MGAM: variants seen among roughly 807,000 people sequenced by gnomAD.
The protein encoded by MGAM is alpha-1,4-glucosidase.
MGAM carries 253 observed loss-of-function variants against 358.8 expected under a neutral mutation model. The observed-to-expected ratio is 0.71, with a 90% CI of 0.64 to 0.78. MGAM has a LOEUF of 0.78. Ranked by LOEUF, MGAM falls within the 30% of genes least tolerant of loss-of-function variation. The probability of loss-of-function intolerance (pLI) is 0.00; values close to 1 mark genes in which losing one functional copy is unlikely to be tolerated. For missense variants in MGAM, 3,080 were observed against 3,432.6 expected (o/e 0.90, Z 2.57); for synonymous variants, 1,105 against 1,227.1 (o/e 0.90, Z 2.08).
At position 142,027,689 on chromosome 7, in the gene MGAM, A is replaced by G. The variant is rs200834950; in HGVS notation, c.1175A>G (p.Asn392Ser). The G allele has an allele frequency of 1.1e-4, 171 of 1,613,512 alleles. No individual in the cohort carries two copies. In the African/African-American group the frequency reaches 2.1e-3, roughly 20 times the overall value. Reference sequence around the variant, plus strand: ...CGTTACGAATATGGAACCTTAGACAACATGAGGGAAGTCGTGGAGAGAAAT... The same window carrying G: ...CGTTACGAATATGGAACCTTAGACAGCATGAGGGAAGTCGTGGAGAGAAAT... ...LSRYEYGTLD[N>S]MREVVERNRA... The change falls in exon 10 of 71, where the codon AAC becomes AGC. Residue 392 changes from asparagine (N) to serine (S), a missense_variant. By Grantham distance (46) the Asn-to-Ser change is conservative. Transcript: ENST00000475668.
intron 21 of MGAM, among the ~76,000 whole-genome samples, chr7:142,045,117 A>G (rs1186786586): frequency 1.7e-5 from 1 of 58,826 alleles, no homozygotes; most frequent in Non-Finnish European, 3.4e-5. Context: ...TACGTGCAAT[A>G]TATGATATAT....
intron 70 of MGAM, among the ~76,000 whole-genome samples, chr7:142,105,352 A>G (rs959019161): frequency 6.6e-6 from 1 of 151,826 alleles, no homozygotes; most frequent in African/African-American, 2.4e-5. Flanking sequence ...CACTGGTGCA[A>G]TCTTAGCTCA....
Position 142,042,151 on chromosome 7 carries a change from T to C in MGAM, c.2498+1305T>C, listed in dbSNP as rs577511959. ...TATACATATAATATATAACATATAA[T>C]ATATATACATATAATATATAATATA... On this transcript the variant is annotated intron_variant, in intron 21 of 70. Coordinates refer to ENST00000475668, the MANE Select transcript of MGAM (RefSeq NM_001365693.1). Among the ~76,000 whole-genome samples, 28 of 53,124 alleles carry C rather than the reference T, an allele frequency of 5.3e-4. 1 individual carries two copies. The highest frequency in any genetic ancestry group is 1.9e-3 in the African/African-American group (20 of 10,650). The allele number at this position is 53,124 out of a possible 152,430, so 34.9% of individuals were successfully genotyped here.
At position 142,094,363 on chromosome 7, in the gene MGAM, G is replaced by A. The variant is rs1370453005; in HGVS notation, c.7173-1G>A. 7 of 1,519,726 alleles carry A rather than the reference G, an allele frequency of 4.6e-6. No homozygotes were observed. The highest frequency in any genetic ancestry group is 6.3e-6 in the Non-Finnish European group (7 of 1,114,732). The allele number at this position is 1,519,726 out of a possible 1,614,324, so 94.1% of individuals were successfully genotyped here. The stretch of plus-strand genomic sequence containing the variant: ...TTCACCTCCTTTTCCCCTCCAACCA[G>A]AGCCGTGCAGGAGGTGACAGGACAG... On this transcript the variant is annotated splice_acceptor_variant, in intron 60 of 70. Coordinates refer to ENST00000475668, the MANE Select transcript of MGAM (RefSeq NM_001365693.1). LOFTEE classifies it high-confidence loss of function.
chr7:142,004,695 G>A (rs761596257), intron 1 of MGAM, among the ~76,000 whole-genome samples: 3 of 151,790 alleles, frequency 2.0e-5, no homozygotes, highest in Non-Finnish European at 4.4e-5. Flanking sequence ...ATTAAAATCA[G>A]TACAAAATAT....
chr7:142,000,541 G>A (rs1438456382), intron 1 of MGAM, among the ~76,000 whole-genome samples: 1 of 152,184 alleles, frequency 6.6e-6, no homozygotes, highest in East Asian at 1.9e-4. Context: ...GTGGGGACTC[G>A]CCCTACCTCT....
chr7:142,102,342 G>A (rs1482073218), intron 68 of MGAM, among the ~76,000 whole-genome samples: 1 of 152,192 alleles, frequency 6.6e-6, no homozygotes, highest in East Asian at 1.9e-4. Flanking sequence ...CTTAAAAATG[G>A]TGTCAGGAAA....
At chr7:142,074,203 TC>T in intron 45 of MGAM, 30 bp downstream of exon 45, 1 of 1,400,994 alleles carries the variant, frequency 7.1e-7, no homozygotes. Flanking sequence ...TGTTGCTGTT[TC>T]CCAACCTGCG....
Position 142,076,762 on chromosome 7 carries a change from C to A in MGAM, c.5429C>A (p.Thr1810Lys), listed in dbSNP as rs190426806. 3.7e-4 allele frequency: 577 copies of A among 1,554,946 alleles called. 28 individuals are homozygous for A. In the African/African-American group the frequency reaches 6.8e-3, roughly 18 times the overall value. ...GGGATGGAGGAACCTAGCAATGTTA[C>A]GGTGAAACACAATGGTGTCCCAAGT... ...ILGMEEPSNV[T>K]VKHNGVPSQT... The change falls in exon 47 of 71, where the codon ACG (threonine) becomes AAG (lysine). Residue 1810 changes from threonine to lysine, a missense_variant. Thr to Lys is a moderately conservative substitution (Grantham distance 78). Around this residue, in one of 5 missense-constraint regions of MGAM, gnomAD observed 932 missense variants for 1,198.2 expected, o/e 0.78. Coordinates refer to ENST00000475668, the MANE Select transcript of MGAM (RefSeq NM_001365693.1).
chr7:142,005,054 A>G (rs1246261120), intron 1 of MGAM, among the ~76,000 whole-genome samples: 2 of 152,084 alleles, frequency 1.3e-5, no homozygotes, highest in Non-Finnish European at 2.9e-5. Flanking sequence ...AAATCTACAG[A>G]ACAAATTCTG....
intron 10 of MGAM, among the ~76,000 whole-genome samples, chr7:142,028,142 C>T (rs1379426856): frequency 6.6e-6 from 1 of 152,082 alleles, no homozygotes; most frequent in Non-Finnish European, 1.5e-5. Context: ...ATTTTCTTGC[C>T]TTACACATGT....
At chr7:141,999,229 G>C (rs1478029361) in intron 1 of MGAM, among the ~76,000 whole-genome samples, 1 of 152,178 alleles carries the variant, frequency 6.6e-6, no homozygotes, top group African/African-American at 2.4e-5. Flanking sequence ...ATGTAGTTTA[G>C]ATAATGATGA....
chr7:142,054,101 C>T (rs781499392), intron 26 of MGAM, among the ~76,000 whole-genome samples: 9 of 152,198 alleles, frequency 5.9e-5, no homozygotes, highest in African/African-American at 7.2e-5. Flanking sequence ...GTATTTCTCC[C>T]GTGAGACCGT....
intron 35 of MGAM, among the ~76,000 whole-genome samples, chr7:142,063,024 C>T (rs936077219): frequency 6.6e-6 from 1 of 152,150 alleles, no homozygotes; most frequent in African/African-American, 2.4e-5. Flanking sequence ...CATGGAGAAA[C>T]TCCGTCTCTA....
intron 22 of MGAM, among the ~76,000 whole-genome samples, chr7:142,048,564 T>C (rs932455601): frequency 6.7e-6 from 1 of 149,092 alleles, no homozygotes; most frequent in African/African-American, 2.4e-5. Context: ...GTTGATGATA[T>C]AGAAATCATG....
intron 21 of MGAM, among the ~76,000 whole-genome samples, chr7:142,045,311 CCTATAATAT>C (rs1810048539): frequency 2.5e-5 from 1 of 39,912 alleles, no homozygotes; most frequent in Non-Finnish European, 5.9e-5. Context: ...ATTATATGTA[CCTATAATAT>C]ATGATATATA....
intron 21 of MGAM, among the ~76,000 whole-genome samples, chr7:142,044,417 T>C (rs1349899030): frequency 7.2e-6 from 1 of 139,448 alleles, no homozygotes; most frequent in African/African-American, 2.6e-5. Context: ...ATAATGAATA[T>C]TATATACACA....
At chr7:142,013,448 G>A (rs782616587) in intron 3 of MGAM, among the ~76,000 whole-genome samples, 2 of 152,106 alleles carry the variant, frequency 1.3e-5, no homozygotes, top group Non-Finnish European at 2.9e-5. Flanking sequence ...AGTTGCTGAA[G>A]TTTTGATTTT....
In MGAM at chr7:142,078,468, G is replaced by A. The variant is rs371249116; in HGVS notation, c.5644G>A (p.Glu1882Lys). 4.5e-6 allele frequency: 7 copies of A among 1,542,348 alleles called. No individual in the cohort carries two copies. The highest frequency in any genetic ancestry group is 4.0e-5 in the African/African-American group (3 of 74,372). Reference sequence around the variant, plus strand: ...CTGCACTGCCCGTGGCTGTATCTGGGAGGTAACCATGCTGATGGGGTTCAT... The same window carrying A: ...CTGCACTGCCCGTGGCTGTATCTGGAAGGTAACCATGCTGATGGGGTTCAT... ...ENCTARGCIWEASNSSGVPFC... is the reference protein window; with the variant it reads ...ENCTARGCIWKASNSSGVPFC... The change falls in exon 48 of 71, where the codon GAG becomes AAG. Residue 1882 changes from glutamate (E) to lysine (K), a missense_variant and splice_region_variant. Around this residue, in one of 5 missense-constraint regions of MGAM, gnomAD observed 932 missense variants for 1,198.2 expected, o/e 0.78. Transcript: ENST00000475668.
Sources: allele counts gnomAD v4.1 joint callset (sites outside exome capture counted in the v4.1 genomes callset), GRCh38; gene constraint gnomAD v4.1.1; regional missense constraint gnomAD v4.1.1; transcripts MANE v1.5; gene names NCBI Gene and HGNC (gene_info 2026-07-23, HGNC 2026-07-21).